ACSF3: variants seen among roughly 807,000 people sequenced by gnomAD.
ACSF3 encodes malonate--CoA ligase ACSF3, mitochondrial.
A neutral mutation model predicts 53.2 loss-of-function variants in ACSF3; 78 were observed. That is an observed-to-expected ratio of 1.47 (90% CI 1.22 to 1.77). The LOEUF (loss-of-function observed/expected upper bound fraction) is 1.77. Among genes scored for constraint, ACSF3 ranks in the 40% most tolerant of loss-of-function variants. The pLI is 0.00. For synonymous variants in ACSF3, 414 were observed against 333.1 expected, an observed-to-expected ratio of 1.24 and a Z score of -2.65; for missense variants, 937 against 771.1, an observed-to-expected ratio of 1.22 and a Z score of -2.55.
chr16:89,107,780 G>A (rs907515815), intron 4 of ACSF3, among the ~76,000 whole-genome samples: 1 of 152,184 alleles, frequency 6.6e-6, no homozygotes, highest in Non-Finnish European at 1.5e-5. Context: ...GGAAACTGCG[G>A]AAGAGTTCTC....
chr16:89,125,719 A>G (rs1157172011), intron 7 of ACSF3, among the ~76,000 whole-genome samples: 2 of 151,302 alleles, frequency 1.3e-5, no homozygotes, highest in East Asian at 3.9e-4. Flanking sequence ...AGAGAGAGAG[A>G]TGTTGATTGG....
rs1216544572 is a variant in ACSF3 at position 89,109,403 on chromosome 16, C to CT, written c.823-2663dup. 1.8e-3 allele frequency among the ~76,000 whole-genome samples: 93 copies of CT among 50,698 alleles called. 14 individuals are homozygous for CT. Among genetic ancestry groups the CT allele is most frequent in the African/African-American group, 5.0e-3 (62 of 12,338 alleles). 33.3% of individuals were successfully genotyped at this position (50,698 alleles called of 152,430 possible). On this transcript the variant is annotated intron_variant, in intron 4 of 10. Transcript: ENST00000614302. The stretch of plus-strand genomic sequence containing the variant: ...TTCCCTAATGACTACTGATGTTAAG[C>CT]TTTTTTTTTTTTTTTTTTTTTTTTT...
rs1385338559 is a variant in ACSF3, at chr16:89,154,446, C to T, written c.*239C>T. The T allele has an allele frequency of 1.5e-6, 1 of 648,582 alleles. No individual in the cohort carries two copies. Among genetic ancestry groups the T allele is most frequent in the Non-Finnish European group, 2.8e-6 (1 of 352,338 alleles). 40.2% of individuals were successfully genotyped at this position (648,582 alleles called of 1,614,324 possible). ...ACCTCTGCCTGGTCACCGCCGACCT[C>T]ATCTGTGCAGCGCGGTGCAGCCAGC... On this transcript the variant is annotated 3_prime_UTR_variant, in exon 11 of 11. Transcript: ENST00000614302.
rs1028729009 is a variant in ACSF3 at position 89,102,763 on chromosome 16, A to G, written c.822+4A>G. ...GCCTGAGTTCAGCCCTCAGCAGGTGAGTTGGGGTCAGGGCTCTCGGTTGCA... is the reference window on the plus strand; with the variant it reads ...GCCTGAGTTCAGCCCTCAGCAGGTGGGTTGGGGTCAGGGCTCTCGGTTGCA... On this transcript the variant is annotated splice_donor_region_variant and intron_variant, in intron 4 of 10. Coordinates refer to ENST00000614302, the MANE Select transcript of ACSF3 (RefSeq NM_001243279.3). 6.2e-7 allele frequency: 1 copy of G among 1,611,766 alleles called. No individual in the cohort carries two copies. Among genetic ancestry groups the G allele is most frequent in the Non-Finnish European group, 8.5e-7 (1 of 1,179,754 alleles).
intron 8 of ACSF3, among the ~76,000 whole-genome samples, chr16:89,144,909 C>T (rs1438179490): frequency 6.6e-6 from 1 of 152,240 alleles, no homozygotes; most frequent in African/African-American, 2.4e-5. Context: ...TGTCTGCAGA[C>T]CACAGGCCCA....
At chr16:89,135,783 A>T (rs924395140) in intron 8 of ACSF3, among the ~76,000 whole-genome samples, 1 of 152,138 alleles carries the variant, frequency 6.6e-6, no homozygotes, top group Non-Finnish European at 1.5e-5. Context: ...TTATTTAGTT[A>T]GTTATTTTTG....
chr16:89,097,430 G>T (rs375590442), intron 1 of ACSF3, among the ~76,000 whole-genome samples: 16 of 152,334 alleles, frequency 1.1e-4, no homozygotes, highest in African/African-American at 3.8e-4. Flanking sequence ...CCCCTGCTCC[G>T]AGCACCCAAG....
At chr16:89,117,290 C>T (rs540522452) in intron 6 of ACSF3, among the ~76,000 whole-genome samples, 1 of 152,222 alleles carries the variant, frequency 6.6e-6, no homozygotes. Context: ...ATATTTTGCA[C>T]TCACATACAA....
At chr16:89,094,546 A>G (rs1322485252) in intron 1 of ACSF3, among the ~76,000 whole-genome samples, 1 of 152,126 alleles carries the variant, frequency 6.6e-6, no homozygotes, top group African/African-American at 2.4e-5. Flanking sequence ...GGAAGGTTTA[A>G]AGGGGTGAGG....
At chr16:89,102,486 T>C in intron 3 of ACSF3, 118 bp from the exon 4 acceptor site, 1 of 1,218,506 alleles carries the variant, frequency 8.2e-7, no homozygotes, top group Non-Finnish European at 1.2e-6. Flanking sequence ...GCCAGCCTTC[T>C]CCTTCCCCTT....
chr16:89,153,937 G>A (rs1308124952), intron 10 of ACSF3, 153 bp from the exon 11 acceptor site: 6 of 727,398 alleles, frequency 8.2e-6, no homozygotes, highest in African/African-American at 1.7e-5. Flanking sequence ...GACAGCTGCG[G>A]TGGCCCGGTG....
chr16:89,133,245 A>G lies in ACSF3; in HGVS notation c.1349A>G (p.Asp450Gly). 1.2e-6 allele frequency: 2 copies of G among 1,614,112 alleles called. No homozygotes were observed. Among genetic ancestry groups the G allele is most frequent in the Non-Finnish European group, 1.7e-6 (2 of 1,179,976 alleles). ...GAAACTAAGAGTGCATTCACCCTGG[A>G]TGGCTGGTTTAAGACAGGTAGGACC... ...PEETKSAFTL[D>G]GWFKTGDTVV... is the part of the protein sequence containing the mutation. The change falls in exon 8 of 11, where the codon GAT becomes GGT. Residue 450 changes from aspartate (D) to glycine (G), a missense_variant. Asp to Gly is a moderately conservative substitution (Grantham distance 94). Transcript: ENST00000614302.
chr16:89,134,520 G>A (rs537182039), intron 8 of ACSF3, among the ~76,000 whole-genome samples: 2 of 152,320 alleles, frequency 1.3e-5, no homozygotes, highest in Admixed American at 1.3e-4. Context: ...AGTGGTGGAC[G>A]GCGAGCGAAA....
intron 8 of ACSF3, among the ~76,000 whole-genome samples, chr16:89,134,942 T>A (rs1255254920): frequency 6.6e-6 from 1 of 152,116 alleles, no homozygotes; most frequent in African/African-American, 2.4e-5. Context: ...CGTGCGTGGG[T>A]GGACATTTGG....
intron 8 of ACSF3, chr16:89,136,694 C>G: frequency 7.8e-7 from 1 of 1,287,168 alleles, no homozygotes; most frequent in Non-Finnish European, 1.0e-6. Flanking sequence ...AGGTTGCCAG[C>G]TTTGATGCCA....
chr16:89,139,587 TTC>T (rs945318264), intron 8 of ACSF3, among the ~76,000 whole-genome samples: 4 of 148,752 alleles, frequency 2.7e-5, no homozygotes, highest in African/African-American at 7.5e-5. Flanking sequence ...TCCTTTTTTT[TTC>T]TGTTTTTTTT....
At chr16:89,108,145 C>T (rs988794588) in intron 4 of ACSF3, among the ~76,000 whole-genome samples, 2 of 152,302 alleles carry the variant, frequency 1.3e-5, no homozygotes, top group African/African-American at 2.4e-5. Context: ...ATTCAATTAC[C>T]TCCCCCTGGG....
intron 4 of ACSF3, among the ~76,000 whole-genome samples, chr16:89,110,672 T>C (rs1227801284): frequency 2.0e-5 from 3 of 152,238 alleles, no homozygotes; most frequent in African/African-American, 7.2e-5. Context: ...GTAGGATAAG[T>C]GTATCAATTT....
chr16:89,100,554 G>T, intron 2 of ACSF3, 108 bp from the exon 3 acceptor site: 1 of 1,106,650 alleles, frequency 9.0e-7, no homozygotes. Flanking sequence ...GACTGAAGGT[G>T]CAGCAGGCGT....
Sources: gnomAD v4.1 joint callset for allele counts (sites outside exome capture counted in the v4.1 genomes callset) on GRCh38, gnomAD v4.1.1 for gene constraint, MANE v1.5 for transcripts, NCBI Gene and HGNC (gene_info 2026-07-23, HGNC 2026-07-21) for gene names.